Variants in GRIK3 observed in about 807,000 individuals in gnomAD.
GRIK3 encodes the protein glutamate ionotropic receptor kainate type subunit 3, also known as glutamate receptor ionotropic, kainate 3.
A neutral mutation model predicts 102.5 loss-of-function variants in GRIK3; 29 were observed. That is an observed-to-expected ratio of 0.28 (90% CI 0.21 to 0.39). The LOEUF is 0.39. Ranked by LOEUF, GRIK3 falls within the 10% of genes least tolerant of loss-of-function variation. The pLI is 1.00. For synonymous variants in GRIK3, 511 were observed against 504.9 expected (o/e 1.01, Z -0.16); for missense variants, 908 against 1,252.4 (o/e 0.73, Z 4.15).
chr1:36,919,744 TC>T lies in GRIK3; in HGVS notation c.116-28649del, dbSNP rs552177773. 2.9e-4 allele frequency among the ~76,000 whole-genome samples: 44 copies of T among 152,358 alleles called. 2 individuals are homozygous for T. The highest frequency in any genetic ancestry group is 1.0e-3 in the African/African-American group (43 of 41,588). On this transcript the variant is annotated intron_variant, in intron 1 of 15. Coordinates refer to ENST00000373091, the MANE Select transcript of GRIK3 (RefSeq NM_000831.4). ...ATGGTGATGGCACCTCCACTGTGTC[TC>T]CCACAGTGCTGGCTCTGCCAGTGAG...
rs1008642223 is a variant in GRIK3, at chr1:36,885,101, C to T, written c.293-4210G>A. Among the ~76,000 whole-genome samples the T allele has an allele frequency of 4.6e-5, 7 of 152,296 alleles. No individual in the cohort carries two copies. The South Asian group carries it at 1.2e-3, about 27-fold the overall frequency. On this transcript the variant is annotated intron_variant, in intron 2 of 15. Coordinates refer to ENST00000373091, the MANE Select transcript of GRIK3 (RefSeq NM_000831.4). Reference sequence around the variant, plus strand: ...AGGCTGCCAATGATGATAATGGTGACGGCATTGCTGAGGGTGAAATTAATC... The same window carrying T: ...AGGCTGCCAATGATGATAATGGTGATGGCATTGCTGAGGGTGAAATTAATC...
At chr1:36,802,286 A>C (rs1344848808) in intron 15 of GRIK3, among the ~76,000 whole-genome samples, 1 of 152,138 alleles carries the variant, frequency 6.6e-6, no homozygotes, top group Non-Finnish European at 1.5e-5. Flanking sequence ...AACCTCATTT[A>C]TACATGAGCA....
In GRIK3 at chr1:36,871,028, A is replaced by G. The variant is rs1640836983; in HGVS notation, c.732+1160T>C. 2.0e-5 allele frequency among the ~76,000 whole-genome samples: 3 copies of G among 152,234 alleles called. No homozygotes were observed. In the South Asian group the frequency reaches 6.2e-4, roughly 32 times the overall value. ...TGTTTCCTCGACAGCAGCTTTAAAG[A>G]TGCCCAACGCTGGGTGTCAACTGCC... On this transcript the variant is annotated intron_variant, in intron 4 of 15. Coordinates refer to ENST00000373091, the MANE Select transcript of GRIK3 (RefSeq NM_000831.4).
intron 9 of GRIK3, among the ~76,000 whole-genome samples, chr1:36,849,419 C>A (rs908341008): frequency 6.6e-6 from 1 of 152,220 alleles, no homozygotes; most frequent in Non-Finnish European, 1.5e-5. Context: ...ATGACCCCAG[C>A]ATATGGTCCT....
intron 7 of GRIK3, among the ~76,000 whole-genome samples, chr1:36,855,244 A>G (rs1436064650): frequency 2.6e-5 from 4 of 152,134 alleles, no homozygotes; most frequent in Non-Finnish European, 5.9e-5. Context: ...GCTTTGCCGC[A>G]TTGGGTTCCT....
chr1:36,839,184 G>A (rs1193760030), intron 10 of GRIK3, among the ~76,000 whole-genome samples: 1 of 152,028 alleles, frequency 6.6e-6, no homozygotes, highest in East Asian at 1.9e-4. Flanking sequence ...CTTCTCCCCT[G>A]CCCAGCTTGC....
At chr1:36,875,221 C>T (rs1188020059) in intron 3 of GRIK3, among the ~76,000 whole-genome samples, 1 of 152,222 alleles carries the variant, frequency 6.6e-6, no homozygotes, top group Non-Finnish European at 1.5e-5. Context: ...CATTTTGACT[C>T]CTAGGCTGTA....
chr1:36,939,009 C>T (rs540785021), intron 1 of GRIK3, among the ~76,000 whole-genome samples: 33 of 152,268 alleles, frequency 2.2e-4, no homozygotes, highest in African/African-American at 4.6e-4. Flanking sequence ...TTTTGAGTCT[C>T]GTCTCTTTGA....
chr1:36,927,934 G>A (rs1416299550), intron 1 of GRIK3, among the ~76,000 whole-genome samples: 4 of 152,164 alleles, frequency 2.6e-5, no homozygotes, highest in East Asian at 1.9e-4. Flanking sequence ...CTAGAATTCC[G>A]CCTCCGGAAT....
At chr1:37,032,998 G>C (rs929421586) in intron 1 of GRIK3, among the ~76,000 whole-genome samples, 1 of 152,206 alleles carries the variant, frequency 6.6e-6, no homozygotes, top group Non-Finnish European at 1.5e-5. Flanking sequence ...TGCTGGCGCC[G>C]AGTGAACCCA....
intron 1 of GRIK3, among the ~76,000 whole-genome samples, chr1:36,957,432 T>G: frequency 1.1e-5 from 1 of 94,350 alleles, no homozygotes; most frequent in Non-Finnish European, 2.2e-5. Flanking sequence ...CATGAGCCTC[T>G]GTGCTCTGTG....
chr1:37,025,030 A>G (rs943066166), intron 1 of GRIK3, among the ~76,000 whole-genome samples: 4 of 152,244 alleles, frequency 2.6e-5, no homozygotes, highest in African/African-American at 9.6e-5. Context: ...GAAGGGATCA[A>G]GAGTTGAAAC....
At chr1:36,824,291 C>T (rs968709808) in intron 11 of GRIK3, among the ~76,000 whole-genome samples, 3 of 152,170 alleles carry the variant, frequency 2.0e-5, no homozygotes, top group Non-Finnish European at 2.9e-5. Context: ...CCCCTGGAGC[C>T]GCTAAAATCA....
At chr1:36,898,685 G>A (rs1032795715) in intron 1 of GRIK3, among the ~76,000 whole-genome samples, 1 of 151,858 alleles carries the variant, frequency 6.6e-6, no homozygotes, top group Non-Finnish European at 1.5e-5. Flanking sequence ...TTTTTTTGCA[G>A]AAATAGAAAA....
At position 36,853,726 on chromosome 1, in the gene GRIK3, C is replaced by A; in HGVS notation, c.1105-4G>T. ...CAGTTAATCCTTCCCATTGAGCCTG[C>A]GGAGGGGAGAGGGCAGAGCGGCAAT... is the stretch of plus-strand genomic sequence containing the variant. On this transcript the variant is annotated splice_polypyrimidine_tract_variant and splice_region_variant and intron_variant, in intron 7 of 15. Coordinates refer to ENST00000373091, the MANE Select transcript of GRIK3 (RefSeq NM_000831.4). The A allele has an allele frequency of 1.3e-6, 2 of 1,563,310 alleles. No individual in the cohort carries two copies. Among genetic ancestry groups the A allele is most frequent in the South Asian group, 1.1e-5 (1 of 90,096 alleles).
chr1:36,806,274 G>T lies in GRIK3; in HGVS notation c.2144C>A (p.Pro715Gln), dbSNP rs1293529016. The T allele has an allele frequency of 6.2e-7, 1 of 1,614,206 alleles. No homozygotes were observed. Among genetic ancestry groups the T allele is most frequent in the Admixed American group, 1.7e-5 (1 of 60,030 alleles). The stretch of plus-strand genomic sequence containing the variant: ...CTCGTTGTTCTTCACCAGCGCCGAT[G>T]GCTTGCTGCTCATGAAGGCCCACAT... ...EKMWAFMSSK[P>Q]SALVKNNEEG... The change falls in exon 14 of 16, where the codon CCA becomes CAA. Residue 715 changes from proline (P) to glutamine (Q), a missense_variant. Pro to Gln is a moderately conservative substitution (Grantham distance 76). This residue lies in a region of GRIK3 where 297 missense variants were observed against 362.7 expected (regional missense o/e 0.82). Transcript: ENST00000373091. This position sits in a 1 kb window ranked among gnomAD's most constrained non-coding sequence, Gnocchi z 4.0.
rs1384841452 is a variant in GRIK3, at chr1:36,799,184, CA to C, written c.*2666del. ...CAGGACATGATGTCCACAGCAAAGGCATCAGCAGCATGAGCCCCTGAAGGGT... is the reference window on the plus strand; with the variant it reads ...CAGGACATGATGTCCACAGCAAAGGCTCAGCAGCATGAGCCCCTGAAGGGT... On this transcript the variant is annotated 3_prime_UTR_variant, in exon 16 of 16. Coordinates refer to ENST00000373091, the MANE Select transcript of GRIK3 (RefSeq NM_000831.4). 3 of 152,246 alleles carry C rather than the reference CA, an allele frequency of 2.0e-5. No individual in the cohort carries two copies. The highest frequency in any genetic ancestry group is 7.2e-5 in the African/African-American group (3 of 41,450). The allele number at this position is 152,246 out of a possible 1,614,324, so 9.4% of individuals were successfully genotyped here.
At chr1:37,003,739 G>T (rs1205027837) in intron 1 of GRIK3, among the ~76,000 whole-genome samples, 3 of 152,156 alleles carry the variant, frequency 2.0e-5, no homozygotes, top group African/African-American at 7.2e-5. Context: ...CCTTGGGTGG[G>T]TACTAGAGAG....
intron 11 of GRIK3, among the ~76,000 whole-genome samples, chr1:36,821,752 G>C (rs1642697884): frequency 6.6e-6 from 1 of 152,206 alleles, no homozygotes; most frequent in Admixed American, 6.5e-5. Flanking sequence ...TGTGTGGGGA[G>C]TGGGCCATGA....
Sources: allele counts gnomAD v4.1 joint callset (sites outside exome capture counted in the v4.1 genomes callset), GRCh38; gene constraint gnomAD v4.1.1; regional missense constraint gnomAD v4.1.1; non-coding constraint Gnocchi (gnomAD v3.1); transcripts MANE v1.5; gene names NCBI Gene and HGNC (gene_info 2026-07-23, HGNC 2026-07-21).